Variants in UTP15 observed in about 807,000 individuals in gnomAD.
UTP15 encodes U3 small nucleolar RNA-associated protein 15 homolog.
In UTP15, 5 loss-of-function variants were observed where a neutral mutation model predicts 59.1. The ratio of observed to expected loss-of-function variants is 0.08; its 90% CI spans 0.04 to 0.18. UTP15 has a LOEUF of 0.18. UTP15 is among the 10% of genes least tolerant of loss of function. The pLI is 1.00. For synonymous variants in UTP15, 211 were observed against 212.2 expected (o/e 0.99, Z 0.05); for missense variants, 494 against 616.7 (o/e 0.80, Z 2.11).
Position 73,580,422 on chromosome 5 carries a change from A to G in UTP15, c.*328A>G, listed in dbSNP as rs759767968. ...TTGGTATTCAGATGGGAATTCAAAT[A>G]TGAATCCTCTCTGGAGAGGGTCCAA... On this transcript the variant is annotated 3_prime_UTR_variant, in exon 13 of 13. Coordinates refer to ENST00000296792, the MANE Select transcript of UTP15 (RefSeq NM_032175.4). 3.2e-5 allele frequency: 6 copies of G among 186,624 alleles called. No individual in the cohort carries two copies. Among genetic ancestry groups the G allele is most frequent in the Non-Finnish European group, 5.5e-5 (5 of 91,196 alleles). 11.6% of individuals were successfully genotyped at this position (186,624 alleles called of 1,614,324 possible).
At chr5:73,574,635 G>A (rs925535954) in intron 7 of UTP15, among the ~76,000 whole-genome samples, 5 of 151,900 alleles carry the variant, frequency 3.3e-5, no homozygotes, top group African/African-American at 1.2e-4. Context: ...CCACCGGCAC[G>A]CGCCACTGTA....
At chr5:73,568,628 T>G in intron 4 of UTP15, 24 bp downstream of exon 4, 1 of 1,577,498 alleles carries the variant, frequency 6.3e-7, no homozygotes, top group African/African-American at 1.4e-5. Context: ...GGTTTCTGTG[T>G]GTTCTGGTTT....
At chr5:73,572,447 C>G in intron 6 of UTP15, 42 bp from the exon 7 acceptor site, 1 of 1,607,204 alleles carries the variant, frequency 6.2e-7, no homozygotes, top group Non-Finnish European at 8.5e-7. Context: ...TATGTTGAAT[C>G]TGTGGGCAGA....
chr5:73,578,930 A>G, intron 10 of UTP15, 78 bp downstream of exon 10: 1 of 1,599,258 alleles, frequency 6.3e-7, no homozygotes. Context: ...GAAGATAAAT[A>G]TTATTCAAAC....
intron 11 of UTP15, 25 bp from the exon 12 acceptor site, chr5:73,579,292 A>G (rs1316435040): frequency 6.2e-7 from 1 of 1,603,382 alleles, no homozygotes; most frequent in Non-Finnish European, 8.5e-7. Flanking sequence ...TACAAGTTTC[A>G]CTAAACTGAA....
chr5:73,570,579 A>G lies in UTP15; in HGVS notation c.548-7A>G, dbSNP rs1023373408. 2 of 1,612,210 alleles carry G rather than the reference A, an allele frequency of 1.2e-6. No homozygotes were observed. The highest frequency in any genetic ancestry group is 1.3e-5 in the African/African-American group (1 of 74,892). On this transcript the variant is annotated splice_polypyrimidine_tract_variant and splice_region_variant and intron_variant, in intron 5 of 12. Transcript: ENST00000296792. ...TCAAACTAAAAATTCAAAAATTGAC[A>G]TTTTAGGATCATATGATCATACTGT...
intron 5 of UTP15, 112 bp downstream of exon 5, chr5:73,569,787 A>G (rs1263607257): frequency 4.4e-5 from 36 of 827,002 alleles, no homozygotes; most frequent in Non-Finnish European, 1.8e-5. Context: ...ATAAAGGAAT[A>G]TGTTTCTGAT....
chr5:73,569,561 A>T lies in UTP15; in HGVS notation c.433A>T (p.Thr145Ser). 1 of 1,613,870 alleles carries T rather than the reference A, an allele frequency of 6.2e-7. No individual in the cohort carries two copies. Among genetic ancestry groups the T allele is most frequent in the Non-Finnish European group, 8.5e-7 (1 of 1,179,860 alleles). The change falls in exon 5 of 13, where the codon ACA (threonine) becomes TCA (serine). Residue 145 changes from threonine to serine, a missense_variant. Physicochemically the swap from Thr to Ser is moderately conservative, Grantham distance 58. Transcript: ENST00000296792. ...YHVVSGADDY[T>S]VKLWDIPNSK... Reference sequence around the variant, plus strand: ...CGTGGTCTCTGGGGCTGATGATTATACAGTTAAATTATGGGATATTCCAAA... The same window carrying T: ...CGTGGTCTCTGGGGCTGATGATTATTCAGTTAAATTATGGGATATTCCAAA...
intron 7 of UTP15, among the ~76,000 whole-genome samples, chr5:73,574,826 T>C (rs1050092531): frequency 6.6e-6 from 1 of 152,218 alleles, no homozygotes; most frequent in African/African-American, 2.4e-5. Flanking sequence ...CATATTTTCA[T>C]TTTTTTCTGC....
chr5:73,578,887 C>T lies in UTP15; in HGVS notation c.1146+35C>T, dbSNP rs375576396. ...CATTTTTTAAAAAATCATGTTATTA[C>T]TTACCCTGCATATTACCATGACTTG... is the stretch of plus-strand genomic sequence containing the variant. On this transcript the variant is annotated intron_variant, in intron 10 of 12. Coordinates refer to ENST00000296792, the MANE Select transcript of UTP15 (RefSeq NM_032175.4). 1.4e-5 allele frequency: 22 copies of T among 1,586,226 alleles called. No homozygotes were observed. The African/African-American group carries it at 2.7e-4, about 19-fold the overall frequency.
rs753096087 is a variant in UTP15 at position 73,578,044 on chromosome 5, T to A, written c.1044+39T>A. The A allele has an allele frequency of 3.2e-6, 5 of 1,563,128 alleles. No individual in the cohort carries two copies. In the Admixed American group the frequency reaches 8.9e-5, roughly 28 times the overall value. On this transcript the variant is annotated intron_variant, in intron 9 of 12. Transcript: ENST00000296792. The stretch of plus-strand genomic sequence containing the variant: ...TCTCATATTTGTTTAAAGGGTGAAA[T>A]TTGTTAGAGTAGCCAGCTTCATCCC...
At chr5:73,567,970 T>A (rs1453054652) in intron 2 of UTP15, among the ~76,000 whole-genome samples, 2 of 152,148 alleles carry the variant, frequency 1.3e-5, no homozygotes, top group East Asian at 3.8e-4. Flanking sequence ...ATAACTTTTT[T>A]TTTCTGGTAG....
intron 4 of UTP15, among the ~76,000 whole-genome samples, 169 bp downstream of exon 4, chr5:73,568,773 GT>G (rs1471998712): frequency 2.0e-5 from 3 of 152,172 alleles, no homozygotes; most frequent in African/African-American, 7.2e-5. Flanking sequence ...CCGTGGTCCA[GT>G]TTCATGGGGC....
In UTP15 at chr5:73,569,753, G is replaced by A. The variant is rs1580388411; in HGVS notation, c.547+78G>A. The A allele has an allele frequency of 1.2e-5, 15 of 1,291,818 alleles. No individual in the cohort carries two copies. In the East Asian group the frequency reaches 4.0e-4, roughly 34 times the overall value. 80.0% of individuals were successfully genotyped at this position (1,291,818 alleles called of 1,614,324 possible). ...TAATGTTGCTATGGGACTCTTTTGG[G>A]ATGGAGGGGTTTAAATTTTTTTTAT... On this transcript the variant is annotated intron_variant, in intron 5 of 12. Coordinates refer to ENST00000296792, the MANE Select transcript of UTP15 (RefSeq NM_032175.4).
Position 73,576,961 on chromosome 5 carries a change from A to G in UTP15, c.819A>G (p.Lys273=). The stretch of plus-strand genomic sequence containing the variant: ...TTTTCCTTTTTATTAGGAAGGTGAA[A>G]GTATACAGCACAACTTCCTACAAAG... The part of the protein sequence containing the change: ...LLSGSLDRKV[K]VYSTTSYKVV... Residue 273 remains lysine, a synonymous_variant, in exon 8 of 13, where the codon AAA becomes AAG. Coordinates refer to ENST00000296792, the MANE Select transcript of UTP15 (RefSeq NM_032175.4). 1 of 1,590,808 alleles carries G rather than the reference A, an allele frequency of 6.3e-7. No homozygotes were observed.
chr5:73,579,091 A>G lies in UTP15; in HGVS notation c.1221A>G (p.Ala407=). Residue 407 remains alanine, a synonymous_variant, in exon 11 of 13, where the codon GCA becomes GCG. Coordinates refer to ENST00000296792, the MANE Select transcript of UTP15 (RefSeq NM_032175.4). The stretch of plus-strand genomic sequence containing the variant: ...AGTTAAATCGAAGAGGAGTCCTTGC[A>G]AATGCGCTTGCAGGTCGGGATGAGA... The part of the protein sequence containing the change: ...IKELNRRGVL[A]NALAGRDEKE... 6.2e-6 allele frequency: 10 copies of G among 1,614,010 alleles called. No homozygotes were observed. The highest frequency in any genetic ancestry group is 1.1e-5 in the South Asian group (1 of 91,078).
At chr5:73,574,718 T>C (rs1748038462) in intron 7 of UTP15, among the ~76,000 whole-genome samples, 1 of 152,080 alleles carries the variant, frequency 6.6e-6, no homozygotes. Context: ...AACTCCTGAG[T>C]TCAACAGATC....
In UTP15 at chr5:73,577,019, T is replaced by A; in HGVS notation, c.877T>A (p.Leu293Met). ...VHSFDYAASI[L>M]SLALAHEDET... ...CAGTTTTGATTATGCAGCTTCAATT[T>A]TGAGTCTTGCCCTTGCAGTAAGTAC... Residue 293 changes from leucine (L) to methionine (M), a missense_variant, in exon 8 of 13, where the codon TTG becomes ATG. Physicochemically the swap from Leu to Met is conservative, Grantham distance 15. Coordinates refer to ENST00000296792, the MANE Select transcript of UTP15 (RefSeq NM_032175.4). 1.9e-6 allele frequency: 3 copies of A among 1,611,490 alleles called. No homozygotes were observed.
In UTP15 at chr5:73,569,643, C is replaced by T. The variant is rs146418580; in HGVS notation, c.515C>T (p.Ala172Val). The change falls in exon 5 of 13, where the codon GCT (alanine) becomes GTT (valine). Residue 172 changes from alanine to valine, a missense_variant. By Grantham distance (64) the Ala-to-Val change is moderately conservative. Transcript: ENST00000296792. ...TCTGATTATGTGAGGTGTGGATGTG[C>T]TAGCAAACTTAATCCGGATCTCTTT... ...EHSDYVRCGC[A>V]SKLNPDLFIT... is the part of the protein sequence containing the mutation. The T allele has an allele frequency of 9.9e-6, 16 of 1,611,338 alleles. No individual in the cohort carries two copies. The African/African-American group carries it at 2.1e-4, about 22-fold the overall frequency.
Sources: gnomAD v4.1 joint callset for allele counts (sites outside exome capture counted in the v4.1 genomes callset) on GRCh38, gnomAD v4.1.1 for gene constraint, MANE v1.5 for transcripts, NCBI Gene and HGNC (gene_info 2026-07-23, HGNC 2026-07-21) for gene names.